ANKRD42: variants seen among roughly 807,000 people sequenced by gnomAD.
ANKRD42 encodes ankyrin repeat domain-containing protein 42.
ANKRD42 carries 43 observed loss-of-function variants against 51.5 expected under a neutral mutation model. That is an observed-to-expected ratio of 0.83 (90% CI 0.65 to 1.08). ANKRD42 has a LOEUF of 1.08. ANKRD42 is among the 50% of genes least tolerant of loss of function. The pLI is 0.00. For synonymous variants in ANKRD42, 203 were observed against 213.0 expected, an observed-to-expected ratio of 0.95 and a Z score of 0.41; for missense variants, 608 against 629.3, an observed-to-expected ratio of 0.97 and a Z score of 0.36.
chr11:83,230,575 A>G (rs192296680), intron 7 of ANKRD42, among the ~76,000 whole-genome samples: 8 of 151,956 alleles, frequency 5.3e-5, no homozygotes. Context: ...TGTTGTTGCA[A>G]ATGACAAGAT....
chr11:83,254,435 C>CT lies in ANKRD42; in HGVS notation c.1465-1396dup, dbSNP rs1296141872. ...CCTGAGTGTTTTTCTTTTTTCTTTTCTTTTTTTTTTTTTTGAGACAGGGTC... is the reference window on the plus strand; with the variant it reads ...CCTGAGTGTTTTTCTTTTTTCTTTTCTTTTTTTTTTTTTTTGAGACAGGGTC... On this transcript the variant is annotated intron_variant, in intron 11 of 11. Transcript: ENST00000260047. Among the ~76,000 whole-genome samples the CT allele has an allele frequency of 4.7e-3, 636 of 136,286 alleles. 9 individuals are homozygous for CT. Among genetic ancestry groups the CT allele is most frequent in the African/African-American group, 0.016 (551 of 35,406 alleles). 89.4% of individuals were successfully genotyped at this position (136,286 alleles called of 152,430 possible).
intron 7 of ANKRD42, 35 bp from the exon 8 acceptor site, chr11:83,236,369 G>T (rs759259409): frequency 5.2e-6 from 8 of 1,550,228 alleles, no homozygotes; most frequent in Non-Finnish European, 6.1e-6. Context: ...ACTTTTTTGT[G>T]TGTAATTCCT....
chr11:83,261,948 A>G (rs1270469785), downstream of ANKRD42: 1 of 1,601,242 alleles, frequency 6.2e-7, no homozygotes, highest in Admixed American at 1.7e-5. Flanking sequence ...TGCTATTGCC[A>G]GGCAAGTAAA....
chr11:83,262,041 C>A, downstream of ANKRD42: 2 of 1,044,956 alleles, frequency 1.9e-6, no homozygotes, highest in South Asian at 1.6e-5. Flanking sequence ...ATAATGTTAT[C>A]TTTAAGTGAA....
chr11:83,241,761 T>G (rs1863394932), intron 9 of ANKRD42, among the ~76,000 whole-genome samples: 1 of 152,174 alleles, frequency 6.6e-6, no homozygotes, highest in Non-Finnish European at 1.5e-5. Flanking sequence ...AAATAGCCAT[T>G]GTTGGGATTC....
downstream of ANKRD42, among the ~76,000 whole-genome samples, chr11:83,256,838 T>A (rs952879738): frequency 1.3e-5 from 2 of 152,058 alleles, no homozygotes; most frequent in Admixed American, 1.3e-4. Context: ...TGTAAACAAG[T>A]GTTAAAAAAT....
chr11:83,235,747 A>G (rs905917633), intron 7 of ANKRD42, among the ~76,000 whole-genome samples: 1 of 152,214 alleles, frequency 6.6e-6, no homozygotes, highest in Non-Finnish European at 1.5e-5. Context: ...AAATGAGCAC[A>G]TTGTTGAGTG....
chr11:83,217,863 G>T (rs941315458), intron 5 of ANKRD42, among the ~76,000 whole-genome samples: 3 of 152,194 alleles, frequency 2.0e-5, no homozygotes, highest in Non-Finnish European at 4.4e-5. Flanking sequence ...AGCCACCAGG[G>T]TCTACCTGTC....
chr11:83,257,358 T>A (rs2135569927), downstream of ANKRD42: 1 of 454,400 alleles, frequency 2.2e-6, no homozygotes, highest in Admixed American at 2.4e-5. Flanking sequence ...TCATAATTCT[T>A]TGCTAGCTGG....
chr11:83,227,125 C>T (rs1354134815), intron 6 of ANKRD42, among the ~76,000 whole-genome samples: 4 of 151,990 alleles, frequency 2.6e-5, no homozygotes, highest in African/African-American at 4.8e-5. Flanking sequence ...AACTGCAGGC[C>T]GTGAGAACAA....
chr11:83,245,379 C>G lies in ANKRD42; in HGVS notation c.1196-119C>G, dbSNP rs72952696. The stretch of plus-strand genomic sequence containing the variant: ...GTATATACCAACCTTCCTCCACCCC[C>G]CTCTCCAAACCATACAGACACTAGT... On this transcript the variant is annotated intron_variant, in intron 9 of 10. Transcript: ENST00000533342. The G allele has an allele frequency of 8.8e-5, 95 of 1,074,406 alleles. No individual in the cohort carries two copies. In the African/African-American group the frequency reaches 1.4e-3, roughly 16 times the overall value. 66.6% of individuals were successfully genotyped at this position (1,074,406 alleles called of 1,614,324 possible). A position where few individuals can be genotyped will look rare whatever the true frequency, so the allele number is the denominator to read the frequency against.
downstream of ANKRD42, among the ~76,000 whole-genome samples, chr11:83,249,946 T>A (rs983356645): frequency 3.5e-4 from 53 of 152,228 alleles, no homozygotes; most frequent in African/African-American, 1.3e-3. Context: ...GCAGAGGTAT[T>A]CACTATATAG....
At chr11:83,196,624 A>G (rs900619465) in intron 1 of ANKRD42, among the ~76,000 whole-genome samples, 25 of 152,118 alleles carry the variant, frequency 1.6e-4, no homozygotes, top group African/African-American at 5.6e-4. Flanking sequence ...TCCTATGAAT[A>G]TTTCCATCGT....
Position 83,225,093 on chromosome 11 carries a change from A to G in ANKRD42, c.787+38A>G, listed in dbSNP as rs1412481205. ...GTTATATGTTCTAGCATATAATGTG[A>G]TGATGATGATGATGATAATATAATG... On this transcript the variant is annotated intron_variant, in intron 6 of 10. Coordinates refer to ENST00000533342, the MANE Select transcript of ANKRD42 (RefSeq NM_001300975.2). The G allele has an allele frequency of 3.5e-6, 5 of 1,409,766 alleles. No individual in the cohort carries two copies. The African/African-American group carries it at 4.3e-5, about 12-fold the overall frequency. 87.3% of individuals were successfully genotyped at this position (1,409,766 alleles called of 1,614,324 possible).
At chr11:83,257,211 T>G, downstream of ANKRD42, 1 of 413,942 alleles carries the variant, frequency 2.4e-6, no homozygotes, top group Non-Finnish European at 4.7e-6. Context: ...ATGGCTTTAG[T>G]GTCCATGTGA....
chr11:83,223,351 C>T (rs2135525015), intron 5 of ANKRD42, among the ~76,000 whole-genome samples: 1 of 152,224 alleles, frequency 6.6e-6, no homozygotes, highest in Admixed American at 6.5e-5. Flanking sequence ...TAATTGGGAA[C>T]CTGATGCAAT....
chr11:83,263,220 T>C (rs1161019368), downstream of ANKRD42, among the ~76,000 whole-genome samples: 4 of 152,234 alleles, frequency 2.6e-5, no homozygotes, highest in African/African-American at 9.6e-5. Flanking sequence ...CCTCTGCTGA[T>C]TCAACAGCTG....
intron 3 of ANKRD42, 75 bp downstream of exon 3, chr11:83,206,240 T>A: frequency 8.3e-7 from 1 of 1,205,652 alleles, no homozygotes; most frequent in Non-Finnish European, 1.2e-6. Context: ...TTATTCTAAT[T>A]ATTTGACTCA....
intron 6 of ANKRD42, 69 bp downstream of exon 6, chr11:83,225,124 A>T: frequency 1.5e-6 from 2 of 1,346,096 alleles, no homozygotes; most frequent in South Asian, 1.4e-5. Context: ...TAATGAGTAG[A>T]ATCAATGAAA....
Sources: gnomAD v4.1 joint callset for allele counts (sites outside exome capture counted in the v4.1 genomes callset) on GRCh38, gnomAD v4.1.1 for gene constraint, MANE v1.5 for transcripts, NCBI Gene and HGNC (gene_info 2026-07-23, HGNC 2026-07-21) for gene names.